Variants in NEK8 observed in about 807,000 individuals in gnomAD.
NEK8 encodes the protein serine/threonine-protein kinase Nek8.
Under a neutral mutation model 77.2 loss-of-function variants are expected in NEK8, and 51 were observed. That is an observed-to-expected ratio of 0.66 (90% CI 0.53 to 0.83). NEK8 has a LOEUF of 0.83. Among genes scored for constraint, NEK8 ranks in the 40% least tolerant of loss-of-function variants. The pLI is 0.00. For missense variants in NEK8, 787 were observed against 909.2 expected (o/e 0.87, Z 1.73); for synonymous variants, 365 against 363.2 (o/e 1.00, Z -0.06).
rs1046464446 is a variant in NEK8, at chr17:28,737,177, T to C, written c.619-129T>C. On this transcript the variant is annotated intron_variant, in intron 4 of 14. Transcript: ENST00000268766. The surrounding 1 kb of genome is among the most constrained non-coding windows in gnomAD (Gnocchi z 4.8). ...CATGCTGTTTTGGTTACTGTAGCCT[T>C]GTAGTATAGTTTGAAGTCAGGTAGC... The C allele has an allele frequency of 4.4e-6, 4 of 903,260 alleles. No individual in the cohort carries two copies. The highest frequency in any genetic ancestry group is 3.3e-5 in the African/African-American group (2 of 61,142). 56.0% of individuals were successfully genotyped at this position (903,260 alleles called of 1,614,324 possible).
Position 28,741,086 on chromosome 17 carries a change from G to A in NEK8, c.1741G>A (p.Asp581Asn), listed in dbSNP as rs558885403. ...AHSAAVTASG[D>N]CYTFGSNQHG... is the part of the protein sequence containing the mutation. ...CTTCCTCTCCCCCATAGCCTCGGGT[G>A]ATTGCTACACTTTTGGCAGCAATCA... Residue 581 changes from aspartate (D) to asparagine (N), a missense_variant, in exon 13 of 15, where the codon GAT (aspartate) becomes AAT (asparagine). This residue lies in a region of NEK8 where 516 missense variants were observed against 544.0 expected (regional missense o/e 0.95). Coordinates refer to ENST00000268766, the MANE Select transcript of NEK8 (RefSeq NM_178170.3). The surrounding 1 kb of genome is among the most constrained non-coding windows in gnomAD (Gnocchi z 4.5). The A allele has an allele frequency of 6.2e-7, 1 of 1,614,190 alleles. No individual in the cohort carries two copies. The highest frequency in any genetic ancestry group is 1.1e-5 in the South Asian group (1 of 91,074).
At chr17:28,731,055 C>T (rs1334232779) in intron 1 of NEK8, among the ~76,000 whole-genome samples, 2 of 151,500 alleles carry the variant, frequency 1.3e-5, no homozygotes, top group Non-Finnish European at 2.9e-5. Flanking sequence ...GAGTTCGAGA[C>T]CAGCCTGGCC....
rs1318140861 is a variant in NEK8 at position 28,741,374 on chromosome 17, C to T, written c.1892-39C>T. The T allele has an allele frequency of 6.2e-7, 1 of 1,608,172 alleles. No individual in the cohort carries two copies. Among genetic ancestry groups the T allele is most frequent in the Non-Finnish European group, 8.5e-7 (1 of 1,177,154 alleles). ...GAGGGGAGATCCTGCTCGGGCTGTG[C>T]CCACTTCCCACTTCCCTCCTGGGGA... is the stretch of plus-strand genomic sequence containing the variant. On this transcript the variant is annotated intron_variant, in intron 13 of 14. Coordinates refer to ENST00000268766, the MANE Select transcript of NEK8 (RefSeq NM_178170.3). The surrounding 1 kb of genome is among the most constrained non-coding windows in gnomAD (Gnocchi z 4.5).
chr17:28,735,044 C>A, intron 3 of NEK8, 40 bp downstream of exon 3: 1 of 1,553,004 alleles, frequency 6.4e-7, no homozygotes, highest in Non-Finnish European at 8.8e-7. Flanking sequence ...CACTAGAAGT[C>A]TTGAGGGCCA....
chr17:28,728,894 G>A, intron 1 of NEK8, 34 bp downstream of exon 1: 1 of 1,534,176 alleles, frequency 6.5e-7, no homozygotes, highest in Non-Finnish European at 8.8e-7. Context: ...AAACTGCTAG[G>A]GGATAGGGAA....
chr17:28,734,760 C>T lies in NEK8; in HGVS notation c.254-12C>T, dbSNP rs766478870. The T allele has an allele frequency of 1.8e-5, 29 of 1,601,386 alleles. No individual in the cohort carries two copies. The highest frequency in any genetic ancestry group is 2.2e-5 in the Non-Finnish European group (26 of 1,169,332). ...AGAAAGCCTGGATCTTGATTAGTCC[C>T]TTGGGCCACAGGCGGCACTCTGGCT... On this transcript the variant is annotated splice_polypyrimidine_tract_variant and intron_variant, in intron 2 of 14. Transcript: ENST00000268766.
rs949686467 is a variant in NEK8, at chr17:28,737,147, A to G, written c.619-159A>G. ...TGGTCTATATCTCTGTTTTGGTACC[A>G]GTACCATGCTGTTTTGGTTACTGTA... On this transcript the variant is annotated intron_variant, in intron 4 of 14. Transcript: ENST00000268766. The surrounding 1 kb of genome is among the most constrained non-coding windows in gnomAD (Gnocchi z 4.8). Among the ~76,000 whole-genome samples the G allele has an allele frequency of 1.3e-5, 2 of 152,250 alleles. No individual in the cohort carries two copies. The highest frequency in any genetic ancestry group is 4.8e-5 in the African/African-American group (2 of 41,466).
At position 28,742,186 on chromosome 17, in the gene NEK8, G is replaced by C; in HGVS notation, c.*199G>C. The C allele has an allele frequency of 1.5e-6, 1 of 677,266 alleles. No homozygotes were observed. Among genetic ancestry groups the C allele is most frequent in the South Asian group, 1.6e-5 (1 of 62,430 alleles). The allele number at this position is 677,266 out of a possible 1,614,324, so 42.0% of individuals were successfully genotyped here. A position where few individuals can be genotyped will look rare whatever the true frequency, so the allele number is the denominator to read the frequency against. The stretch of plus-strand genomic sequence containing the variant: ...CACTTTGTTCTCCTACCACCTCTTT[G>C]CCCTTCCTACCCCTTCCTCCCTTCA... On this transcript the variant is annotated 3_prime_UTR_variant, in exon 15 of 15. Transcript: ENST00000268766.
intron 8 of NEK8, 49 bp from the exon 9 acceptor site, chr17:28,738,622 G>T: frequency 6.4e-7 from 1 of 1,553,150 alleles, no homozygotes; most frequent in Non-Finnish European, 8.9e-7. Flanking sequence ...TATCTGGAAA[G>T]ACTGTTTAAC....
chr17:28,741,067 C>G lies in NEK8; in HGVS notation c.1733-11C>G. 6.2e-7 allele frequency: 1 copy of G among 1,614,230 alleles called. No individual in the cohort carries two copies. The highest frequency in any genetic ancestry group is 8.5e-7 in the Non-Finnish European group (1 of 1,180,034). ...CTGTTGAAGCACCCCTTTCCTTCCT[C>G]TCCCCCATAGCCTCGGGTGATTGCT... On this transcript the variant is annotated splice_polypyrimidine_tract_variant and intron_variant, in intron 12 of 14. Transcript: ENST00000268766. This position sits in a 1 kb window ranked among gnomAD's most constrained non-coding sequence, Gnocchi z 4.5.
chr17:28,733,988 T>G lies in NEK8; in HGVS notation c.53T>G (p.Val18Gly), dbSNP rs1459335442. The change falls in exon 2 of 15, where the codon GTG becomes GGG. Residue 18 changes from valine (V) to glycine (G), a missense_variant. Coordinates refer to ENST00000268766, the MANE Select transcript of NEK8 (RefSeq NM_178170.3). ...CCTGTCCTCCGTATCCCTAGGATTG[T>G]GCACCTGTGCCTGCGAAAGGCTGAC... ...RVVGRGAFGI[V>G]HLCLRKADQK... 1.2e-6 allele frequency: 2 copies of G among 1,614,004 alleles called. No individual in the cohort carries two copies. Among genetic ancestry groups the G allele is most frequent in the African/African-American group, 2.7e-5 (2 of 74,940 alleles).
chr17:28,737,539 C>G lies in NEK8; in HGVS notation c.827+25C>G. On this transcript the variant is annotated intron_variant, in intron 5 of 14. Transcript: ENST00000268766. The surrounding 1 kb of genome is among the most constrained non-coding windows in gnomAD (Gnocchi z 4.8). The stretch of plus-strand genomic sequence containing the variant: ...GGCCTGTGCAGGGACAGCGAGCGGT[C>G]CTGGGCGGCAGGGTGTGGGCACCCA... 1 of 1,612,864 alleles carries G rather than the reference C, an allele frequency of 6.2e-7. No homozygotes were observed. Among genetic ancestry groups the G allele is most frequent in the Non-Finnish European group, 8.5e-7 (1 of 1,179,606 alleles).
chr17:28,735,125 G>T (rs1415750472), intron 3 of NEK8, 115 bp from the exon 4 acceptor site: 18 of 1,548,710 alleles, frequency 1.2e-5, no homozygotes, highest in Non-Finnish European at 1.5e-5. Flanking sequence ...GGGTGGTTCT[G>T]CAGGAGGAAG....
At position 28,739,146 on chromosome 17, in the gene NEK8, C is replaced by A; in HGVS notation, c.1362C>A (p.His454Gln). 1.9e-6 allele frequency: 3 copies of A among 1,614,208 alleles called. No individual in the cohort carries two copies. Among genetic ancestry groups the A allele is most frequent in the Non-Finnish European group, 2.5e-6 (3 of 1,180,012 alleles). Residue 454 changes from histidine (H) to glutamine (Q), a missense_variant, in exon 10 of 15, where the codon CAC becomes CAA. His to Gln is a conservative substitution (Grantham distance 24). Around this residue, in one of 2 missense-constraint regions of NEK8, gnomAD observed 516 missense variants for 544.0 expected, o/e 0.95. Transcript: ENST00000268766. Reference sequence around the variant, plus strand: ...TGCAGGTGGCCTGTGGGGCCTCTCACGTGCTGGCCCTGTCCACTGAGCGAG... The same window carrying A: ...TGCAGGTGGCCTGTGGGGCCTCTCAAGTGCTGGCCCTGTCCACTGAGCGAG... ...EMVQVACGAS[H>Q]VLALSTEREL...
In NEK8 at chr17:28,741,635, C is replaced by T. The variant is rs1490110989; in HGVS notation, c.2050+64C>T. On this transcript the variant is annotated intron_variant, in intron 14 of 14. Transcript: ENST00000268766. The surrounding 1 kb of genome is among the most constrained non-coding windows in gnomAD (Gnocchi z 4.5). ...CTGGCCCCTGTCCACACTCCCATCC[C>T]CAGTGTTCACAGATGGCCACATCAC... The T allele has an allele frequency of 6.5e-7, 1 of 1,536,420 alleles. No homozygotes were observed. Among genetic ancestry groups the T allele is most frequent in the Non-Finnish European group, 9.0e-7 (1 of 1,111,394 alleles).
At chr17:28,738,910 A>G (rs1436380578) in intron 9 of NEK8, among the ~76,000 whole-genome samples, 163 bp downstream of exon 9, 1 of 152,264 alleles carries the variant, frequency 6.6e-6, no homozygotes, top group African/African-American at 2.4e-5. Context: ...GGGAAAGTAC[A>G]GAAAAACCAG....
chr17:28,743,100 A>T lies in NEK8; in HGVS notation c.*1113A>T, dbSNP rs1231679167. On this transcript the variant is annotated 3_prime_UTR_variant, in exon 15 of 15. Coordinates refer to ENST00000268766, the MANE Select transcript of NEK8 (RefSeq NM_178170.3). Reference sequence around the variant, plus strand: ...AAAAAAAAAAAAAAAAAAAAAAAAAAAAGTATTTGGTGCTTACCGGGACTC... The same window carrying T: ...AAAAAAAAAAAAAAAAAAAAAAAAATAAGTATTTGGTGCTTACCGGGACTC... 6.9e-6 allele frequency: 1 copy of T among 144,996 alleles called. No homozygotes were observed. The highest frequency in any genetic ancestry group is 1.5e-5 in the Non-Finnish European group (1 of 65,862). The allele number at this position is 144,996 out of a possible 1,614,324, so 9.0% of individuals were successfully genotyped here. A position where few individuals can be genotyped will look rare whatever the true frequency, so the allele number is the denominator to read the frequency against.
In NEK8 at chr17:28,734,149, G is replaced by A. The variant is rs772419251; in HGVS notation, c.214G>A (p.Glu72Lys). Residue 72 changes from glutamate (E) to lysine (K), a missense_variant, in exon 2 of 15, where the codon GAA (glutamate) becomes AAA (lysine). Transcript: ENST00000268766. ...NVIEYYENFL[E>K]DKALMIAMEY... ...CATTGAGTACTACGAGAACTTCCTG[G>A]AAGACAAAGCCCTTATGATCGCCAT... 6.2e-7 allele frequency: 1 copy of A among 1,614,232 alleles called. No individual in the cohort carries two copies. Among genetic ancestry groups the A allele is most frequent in the Non-Finnish European group, 8.5e-7 (1 of 1,180,030 alleles).
At position 28,737,382 on chromosome 17, in the gene NEK8, G is replaced by A. The variant is rs571858492; in HGVS notation, c.695G>A (p.Arg232His). 40 of 1,613,632 alleles carry A rather than the reference G, an allele frequency of 2.5e-5. No homozygotes were observed. Among genetic ancestry groups the A allele is most frequent in the Admixed American group, 1.0e-4 (6 of 60,022 alleles). Residue 232 changes from arginine to histidine, a missense_variant, in exon 5 of 15, where the codon CGC becomes CAC. Arg to His is a conservative substitution (Grantham distance 29). Transcript: ENST00000268766. The surrounding 1 kb of genome is among the most constrained non-coding windows in gnomAD (Gnocchi z 4.8). ...PISDRYSPEL[R>H]QLVLSLLSLE... is the part of the protein sequence containing the mutation. The stretch of plus-strand genomic sequence containing the variant: ...TCTGACCGGTACAGCCCTGAGCTTC[G>A]CCAGCTGGTCCTGAGTCTACTCAGC...
Sources: gnomAD v4.1 joint callset for allele counts (sites outside exome capture counted in the v4.1 genomes callset) on GRCh38, gnomAD v4.1.1 for gene constraint, gnomAD v4.1.1 regional missense constraint, Gnocchi (gnomAD v3.1) non-coding constraint, MANE v1.5 for transcripts, NCBI Gene and HGNC (gene_info 2026-07-23, HGNC 2026-07-21) for gene names.